The following USP53 variants were observed in gnomAD, a reference collection of about 807,000 sequenced individuals.
USP53 encodes ubiquitin carboxyl-terminal hydrolase 53.
Under a neutral mutation model 94.9 loss-of-function variants are expected in USP53, and 71 were observed. That is an observed-to-expected ratio of 0.75 (90% confidence interval 0.62 to 0.91). USP53 has a LOEUF of 0.91. USP53 is among the 40% of genes least tolerant of loss of function. The probability of loss-of-function intolerance (pLI) is 0.00; values close to 1 mark genes in which losing one functional copy is unlikely to be tolerated. For missense variants in USP53, 1,173 were observed against 1,281.0 expected (o/e 0.92, Z 1.29); for synonymous variants, 375 against 422.7 (o/e 0.89, Z 1.39).
chr4:119,288,663 A>T (rs1754372990), intron 17 of USP53, among the ~76,000 whole-genome samples: 1 of 152,158 alleles, frequency 6.6e-6, no homozygotes, highest in Non-Finnish European at 1.5e-5. Context: ...GCAGCCGGGC[A>T]CGGTGGCTGA....
Position 119,256,540 on chromosome 4 carries a change from G to A in USP53, c.569+17G>A. ...AGCCTTATGGTAAGAACCTATTAAA[G>A]CTTAATTATCAACGATATTAATAAC... On this transcript the variant is annotated intron_variant, in intron 9 of 18. Coordinates refer to ENST00000692078, the MANE Select transcript of USP53 (RefSeq NM_001371395.1). The A allele has an allele frequency of 3.7e-6, 6 of 1,610,806 alleles. No individual in the cohort carries two copies. Among genetic ancestry groups the A allele is most frequent in the Non-Finnish European group, 5.1e-6 (6 of 1,177,114 alleles).
rs1754952573 is a variant in USP53, at chr4:119,293,090, C to T, written c.3101C>T (p.Ser1034Leu). The change falls in exon 19 of 19, where the codon TCA becomes TTA. Residue 1034 changes from serine to leucine, a missense_variant. Physicochemically the swap from Ser to Leu is moderately radical, Grantham distance 145. Coordinates refer to ENST00000692078, the MANE Select transcript of USP53 (RefSeq NM_001371395.1). ...SISTCPNETVSLTTYFSVDSC... is the reference protein window; with the variant it reads ...SISTCPNETVLLTTYFSVDSC... ...TCTACCTGTCCAAATGAGACAGTTT[C>T]ATTAACTACCTATTTTTCAGTTGAT... The T allele has an allele frequency of 1.2e-6, 2 of 1,614,028 alleles. No homozygotes were observed. The highest frequency in any genetic ancestry group is 8.5e-7 in the Non-Finnish European group (1 of 1,179,920).
chr4:119,271,904 C>A lies in USP53; in HGVS notation c.2044C>A (p.Gln682Lys). 11 of 1,614,094 alleles carry A rather than the reference C, an allele frequency of 6.8e-6. No individual in the cohort carries two copies. The highest frequency in any genetic ancestry group is 9.3e-6 in the Non-Finnish European group (11 of 1,180,014). The change falls in exon 16 of 19, where the codon CAA becomes AAA. Residue 682 changes from glutamine to lysine, a missense_variant. Coordinates refer to ENST00000692078, the MANE Select transcript of USP53 (RefSeq NM_001371395.1). ...GKVHGDNWQM[Q>K]RTESGYESSD... ...AGTGCATGGTGATAATTGGCAGATG[C>A]AAAGGACTGAGTCTGGATATGAAAG...
intron 17 of USP53, among the ~76,000 whole-genome samples, chr4:119,274,039 C>T (rs1414536013): frequency 8.6e-5 from 12 of 140,200 alleles, no homozygotes; most frequent in African/African-American, 3.1e-4. Context: ...AAGTTTGCAG[C>T]CTTTTTTTTT....
At chr4:119,243,910 A>G (rs1288965683) in intron 5 of USP53, among the ~76,000 whole-genome samples, 1 of 152,188 alleles carries the variant, frequency 6.6e-6, no homozygotes, top group Non-Finnish European at 1.5e-5. Context: ...TTGTTTCAAC[A>G]TTGCATATGT....
chr4:119,214,780 T>C (rs1167991105), intron 2 of USP53, among the ~76,000 whole-genome samples: 3 of 152,182 alleles, frequency 2.0e-5, no homozygotes, highest in African/African-American at 7.2e-5. Context: ...CAAGACAAAG[T>C]TTAAAAATGA....
chr4:119,269,952 CATAA>C (rs1405787322), intron 15 of USP53, 115 bp downstream of exon 15: 14 of 410,426 alleles, frequency 3.4e-5, no homozygotes, highest in East Asian at 1.9e-4. Flanking sequence ...ATTAAAAATA[CATAA>C]ATATATAAGT....
At chr4:119,264,176 T>C (rs1285483208) in intron 12 of USP53, among the ~76,000 whole-genome samples, 1 of 152,174 alleles carries the variant, frequency 6.6e-6, no homozygotes, top group East Asian at 1.9e-4. Flanking sequence ...TGAAATTCAA[T>C]ATGCCACTTC....
At chr4:119,248,264 C>G (rs978663176) in intron 6 of USP53, among the ~76,000 whole-genome samples, 9 of 151,938 alleles carry the variant, frequency 5.9e-5, no homozygotes, top group Admixed American at 2.0e-4. Context: ...TTGGGTATCT[C>G]TTGTCTGAAA....
At chr4:119,235,803 C>T (rs918725030) in intron 4 of USP53, among the ~76,000 whole-genome samples, 5 of 152,168 alleles carry the variant, frequency 3.3e-5, no homozygotes, top group African/African-American at 1.2e-4. Context: ...TCATCCCTTT[C>T]CAATCTTTGT....
chr4:119,279,990 G>T (rs1375235470), intron 17 of USP53, among the ~76,000 whole-genome samples: 2 of 152,094 alleles, frequency 1.3e-5, no homozygotes, highest in Admixed American at 6.6e-5. Context: ...ACTGGCCTGC[G>T]CCCACTGTCT....
intron 7 of USP53, among the ~76,000 whole-genome samples, chr4:119,251,434 TG>T (rs1748989825): frequency 6.6e-6 from 1 of 152,164 alleles, no homozygotes; most frequent in Non-Finnish European, 1.5e-5. Flanking sequence ...ATGGGATTGG[TG>T]GGTCAAATGG....
At chr4:119,217,269 C>T (rs1257480759) in intron 2 of USP53, among the ~76,000 whole-genome samples, 1 of 152,050 alleles carries the variant, frequency 6.6e-6, no homozygotes, top group Non-Finnish European at 1.5e-5. Context: ...TCATGGTGCC[C>T]CTCCCCATAC....
chr4:119,276,109 G>T (rs966392786), intron 17 of USP53, among the ~76,000 whole-genome samples: 1 of 106,518 alleles, frequency 9.4e-6, no homozygotes, highest in African/African-American at 3.0e-5. Flanking sequence ...CTGCCTAATT[G>T]TCCTGGCCAG....
chr4:119,291,879 ATAAAG>A (rs1468636601), intron 18 of USP53, among the ~76,000 whole-genome samples: 2 of 152,234 alleles, frequency 1.3e-5, no homozygotes, highest in South Asian at 2.1e-4. Context: ...GCAAAATATA[ATAAAG>A]TAATTAATAT....
intron 3 of USP53, among the ~76,000 whole-genome samples, chr4:119,234,002 G>A (rs1179806875): frequency 6.6e-6 from 1 of 152,120 alleles, no homozygotes; most frequent in Non-Finnish European, 1.5e-5. Context: ...TCTTCTCCAG[G>A]ACCTGCTATC....
chr4:119,259,290 A>C (rs1218385299), intron 9 of USP53, among the ~76,000 whole-genome samples: 1 of 151,248 alleles, frequency 6.6e-6, no homozygotes, highest in Non-Finnish European at 1.5e-5. Flanking sequence ...CAAAAAAAAA[A>C]AAAAAGGGGG....
At position 119,258,668 on chromosome 4, in the gene USP53, A is replaced by G. The variant is rs1750076428; in HGVS notation, c.570-1152A>G. Among the ~76,000 whole-genome samples, 2 of 152,196 alleles carry G rather than the reference A, an allele frequency of 1.3e-5. 1 individual carries two copies. Among genetic ancestry groups the G allele is most frequent in the South Asian group, 4.1e-4 (2 of 4,838 alleles). On this transcript the variant is annotated intron_variant, in intron 9 of 18. Coordinates refer to ENST00000692078, the MANE Select transcript of USP53 (RefSeq NM_001371395.1). ...AGTCACATCTTACATGGTGGCAGGC[A>G]AGAGAAGAGAATGAGAGTCAAGCAA... is the stretch of plus-strand genomic sequence containing the variant.
At chr4:119,236,478 G>T (rs1474269548) in intron 4 of USP53, among the ~76,000 whole-genome samples, 1 of 152,186 alleles carries the variant, frequency 6.6e-6, no homozygotes, top group East Asian at 1.9e-4. Context: ...TTCCTCTGTA[G>T]CATGTGACAC....
Sources: allele counts gnomAD v4.1 joint callset (sites outside exome capture counted in the v4.1 genomes callset), GRCh38; gene constraint gnomAD v4.1.1; transcripts MANE v1.5; gene names NCBI Gene and HGNC (gene_info 2026-07-23, HGNC 2026-07-21).